Variants in ZNF18 observed in about 807,000 individuals in gnomAD.
ZNF18 encodes the protein zinc finger protein 18, also known as heart development-specific gene 1 protein.
ZNF18 carries 42 observed loss-of-function variants against 58.1 expected under a neutral mutation model. The ratio of observed to expected loss-of-function variants is 0.72; its 90% confidence interval spans 0.56 to 0.93. ZNF18 has a LOEUF of 0.93. Among genes scored for constraint, ZNF18 ranks in the 40% least tolerant of loss-of-function variants. ZNF18 has a pLI of 0.00. For synonymous variants in ZNF18, 231 were observed against 239.8 expected (o/e 0.96, Z 0.34); for missense variants, 540 against 644.2 (o/e 0.84, Z 1.75).
intron 2 of ZNF18, among the ~76,000 whole-genome samples, chr17:11,991,434 G>T (rs999018924): frequency 1.3e-5 from 2 of 152,170 alleles, no homozygotes; most frequent in African/African-American, 4.8e-5. Context: ...GAAAACTCAG[G>T]CATCTTTTAA....
chr17:12,014,642 G>A, the ZNF18 span, among the ~76,000 whole-genome samples: 2 of 152,166 alleles, frequency 1.3e-5, no homozygotes, highest in Non-Finnish European at 2.9e-5. Flanking sequence ...CTAGGGGTAG[G>A]GGCAGTTGGA....
At position 11,992,542 on chromosome 17, in the gene ZNF18, C is replaced by T. The variant is rs754194327; in HGVS notation, c.288G>A (p.Glu96=). 1.1e-5 allele frequency: 17 copies of T among 1,614,220 alleles called. No homozygotes were observed. The highest frequency in any genetic ancestry group is 1.6e-4 in the Middle Eastern group (1 of 6,062). ...LEQFLTILPG[E]IQMWVRKQCP... ...ACTGTTTCCGCACCCACATCTGGAT[C>T]TCCCCAGGCAGGATGGTCAGAAACT... Residue 96 remains glutamate, a synonymous_variant, in exon 2 of 7, where the codon GAG becomes GAA. Coordinates refer to ENST00000580306, the MANE Select transcript of ZNF18 (RefSeq NM_001303281.2).
At chr17:12,003,119 C>T in the ZNF18 span, among the ~76,000 whole-genome samples, 3 of 152,158 alleles carry the variant, frequency 2.0e-5, no homozygotes, top group Non-Finnish European at 2.9e-5. Flanking sequence ...GAAATACTAA[C>T]ATACATCACG....
chr17:12,000,475 G>A (rs576755381), upstream of ZNF18, among the ~76,000 whole-genome samples: 43 of 152,236 alleles, frequency 2.8e-4, 1 homozygote, highest in East Asian at 7.2e-3. Context: ...TTGGGAGGCC[G>A]ACATGGGCAG....
At chr17:12,020,705 T>C in the ZNF18 span, 376 of 363,444 alleles carry the variant, frequency 1.0e-3, 2 homozygotes, top group Non-Finnish European at 1.4e-3. Context: ...CGGGCGGTTC[T>C]GCAGCTCAGC....
chr17:11,992,609 AC>A lies in ZNF18; in HGVS notation c.220del (p.Val74PhefsTer8), dbSNP rs1465644360. On this transcript the variant is annotated frameshift_variant, in exon 2 of 7. Transcript: ENST00000580306. LOFTEE classifies it high-confidence loss of function. ...CTCTAGGATCTGCTCTTTGGTGTGA[AC>A]CTCTGGCTGTAGCCACTGGAAACAG... ...KLCFQWLQPE[V>X]HTKEQILEIL... The A allele has an allele frequency of 6.2e-7, 1 of 1,614,022 alleles. No individual in the cohort carries two copies. The highest frequency in any genetic ancestry group is 8.5e-7 in the Non-Finnish European group (1 of 1,180,022).
At chr17:11,982,224 T>G (rs1597951857) in intron 6 of ZNF18, among the ~76,000 whole-genome samples, 1 of 152,236 alleles carries the variant, frequency 6.6e-6, no homozygotes, top group East Asian at 1.9e-4. Flanking sequence ...TCTATGGTAT[T>G]TTGTTACAGC....
the ZNF18 span, chr17:12,021,302 C>T: frequency 5.0e-6 from 1 of 198,190 alleles, no homozygotes; most frequent in African/African-American, 2.3e-5. Context: ...CGCGGCCGTC[C>T]CCATCGCCCC....
chr17:11,993,033 A>G (rs1968233098), intron 1 of ZNF18, 122 bp from the exon 2 acceptor site: 5 of 588,012 alleles, frequency 8.5e-6, no homozygotes, highest in African/African-American at 1.9e-5. Flanking sequence ...AAATTGCTCA[A>G]TGGATACACG....
At chr17:11,990,314 A>C (rs760009341) in intron 4 of ZNF18, 148 bp downstream of exon 4, 8 of 591,572 alleles carry the variant, frequency 1.4e-5, no homozygotes, top group Non-Finnish European at 2.3e-5. Flanking sequence ...CTATTTTTAC[A>C]AAACTCTAGA....
intron 4 of ZNF18, among the ~76,000 whole-genome samples, chr17:11,989,416 C>A (rs12150155): frequency 6.6e-6 from 1 of 152,004 alleles, no homozygotes; most frequent in Non-Finnish European, 1.5e-5. Context: ...AAAACTGACC[C>A]AGAACCAATG....
intron 2 of ZNF18, 118 bp downstream of exon 2, chr17:11,992,325 G>A (rs1456889490): frequency 1.7e-5 from 23 of 1,320,070 alleles, no homozygotes; most frequent in South Asian, 5.8e-5. Context: ...TTGGCCATTG[G>A]TGTGAAAAGC....
chr17:11,996,359 G>C (rs1209377551), intron 1 of ZNF18, among the ~76,000 whole-genome samples: 1 of 152,168 alleles, frequency 6.6e-6, no homozygotes, highest in African/African-American at 2.4e-5. Flanking sequence ...ATACCGACCT[G>C]TAAACTTACT....
intron 2 of ZNF18, among the ~76,000 whole-genome samples, chr17:11,992,086 T>C (rs1968164608): frequency 6.6e-6 from 1 of 152,218 alleles, no homozygotes; most frequent in African/African-American, 2.4e-5. Flanking sequence ...TAACAGGAAG[T>C]AAAATCCTTC....
Position 11,978,530 on chromosome 17 carries a change from C to T in ZNF18, c.1077G>A (p.Leu359=). The T allele has an allele frequency of 6.2e-7, 1 of 1,611,068 alleles. No individual in the cohort carries two copies. The highest frequency in any genetic ancestry group is 8.5e-7 in the Non-Finnish European group (1 of 1,178,908). The change falls in exon 7 of 7, where the codon CTG becomes CTA. Residue 359 remains leucine, a synonymous_variant. Transcript: ENST00000580306. The stretch of plus-strand genomic sequence containing the variant: ...TCTCAGAAATCCTTTCTTGAGGAGA[C>T]AGCTGTTCCCCTGTTCCCTCATCCT... The part of the protein sequence containing the change: ...NIQDEGTGEQ[L]SPQERISEKQ...
At position 11,977,875 on chromosome 17, in the gene ZNF18, GAC is replaced by G. The variant is rs1967086893; in HGVS notation, c.*80_*81del. 13 of 1,470,218 alleles carry G rather than the reference GAC, an allele frequency of 8.8e-6. No homozygotes were observed. Among genetic ancestry groups the G allele is most frequent in the East Asian group, 6.8e-5 (3 of 43,910 alleles). 91.1% of individuals were successfully genotyped at this position (1,470,218 alleles called of 1,614,324 possible). A position where few individuals can be genotyped will look rare whatever the true frequency, so the allele number is the denominator to read the frequency against. ...GGAGATTAACAGGGGTATCCTCTTA[GAC>G]ACAATTCCTCTTGATGGAGCTGAGT... On this transcript the variant is annotated 3_prime_UTR_variant, in exon 7 of 7. Transcript: ENST00000580306.
chr17:12,020,902 C>A, the ZNF18 span: 2 of 1,216,420 alleles, frequency 1.6e-6, no homozygotes, highest in Non-Finnish European at 2.0e-6. Context: ...GGCTCCGAGC[C>A]CGAGCGGCGG....
chr17:11,984,201 GAA>G lies in ZNF18; in HGVS notation c.667-6_667-5del, dbSNP rs34299203. On this transcript the variant is annotated splice_region_variant and splice_polypyrimidine_tract_variant and intron_variant, in intron 4 of 6. Coordinates refer to ENST00000580306, the MANE Select transcript of ZNF18 (RefSeq NM_001303281.2). ...AATCCAGTTGTCTCCACTGTTCCTG[GAA>G]AAAAAAAAAAAAAAGCAATACAATA... 0.064 allele frequency: 90,794 copies of G among 1,408,310 alleles called. 9 individuals carry two copies. The highest frequency in any genetic ancestry group is 0.089 in the South Asian group (6,731 of 75,834). The allele number at this position is 1,408,310 out of a possible 1,614,324, so 87.2% of individuals were successfully genotyped here.
intron 1 of ZNF18, among the ~76,000 whole-genome samples, chr17:11,993,197 T>A (rs1968246685): frequency 6.6e-6 from 1 of 152,158 alleles, no homozygotes; most frequent in Non-Finnish European, 1.5e-5. Context: ...ATACGAAACT[T>A]TTTCACTATA....
Sources: allele counts gnomAD v4.1 joint callset (sites outside exome capture counted in the v4.1 genomes callset), GRCh38; gene constraint gnomAD v4.1.1; transcripts MANE v1.5; gene names NCBI Gene and HGNC (gene_info 2026-07-23, HGNC 2026-07-21).